Variants in B3GALT5 observed in about 807,000 individuals in gnomAD.
B3GALT5 encodes beta-1,3-galactosyltransferase 5, also known as UDP-Gal:betaGlcNAc beta 1,3-galactosyltransferase, polypeptide 5.
For synonymous variants in B3GALT5, 156 were observed against 158.6 expected, an observed-to-expected ratio of 0.98 and a Z score of 0.12; for missense variants, 328 against 396.6, an observed-to-expected ratio of 0.83 and a Z score of 1.47.
chr21:39,657,117 A>G (rs1326669751), intron 2 of B3GALT5, among the ~76,000 whole-genome samples: 1 of 152,244 alleles, frequency 6.6e-6, no homozygotes, highest in Non-Finnish European at 1.5e-5. Context: ...CTCTCCTGGC[A>G]TCTATATTGC....
intron 2 of B3GALT5, among the ~76,000 whole-genome samples, chr21:39,655,896 T>C (rs2239386): frequency 0.36 from 54,622 of 151,800 alleles, 10,291 homozygotes; most frequent in South Asian, 0.5. Flanking sequence ...TTCCACCTTC[T>C]CCAGGGGAAG....
chr21:39,654,248 C>A (rs1022018188), intron 2 of B3GALT5, among the ~76,000 whole-genome samples: 2 of 152,172 alleles, frequency 1.3e-5, no homozygotes, highest in African/African-American at 4.8e-5. Context: ...TGCCACCACT[C>A]CTGGCTAATT....
rs1249539626 is a variant in B3GALT5 at position 39,669,767 on chromosome 21, C to T, written c.*8275C>T. The stretch of plus-strand genomic sequence containing the variant: ...GGCTCAGACGTGGTGGAGACACAGG[C>T]CCTCGGCCTCCAAATGCTGCCTCCC... On this transcript the variant is annotated 3_prime_UTR_variant, in exon 4 of 4. Transcript: ENST00000684187. 6.6e-6 allele frequency: 1 copy of T among 152,070 alleles called. No individual in the cohort carries two copies. The highest frequency in any genetic ancestry group is 1.5e-5 in the Non-Finnish European group (1 of 68,018). The allele number at this position is 152,070 out of a possible 1,614,324, so 9.4% of individuals were successfully genotyped here. A position where few individuals can be genotyped will look rare whatever the true frequency, so the allele number is the denominator to read the frequency against.
At chr21:39,615,857 C>T (rs144305352) in intron 1 of B3GALT5, among the ~76,000 whole-genome samples, 37 of 152,230 alleles carry the variant, frequency 2.4e-4, no homozygotes, top group African/African-American at 8.4e-4. Context: ...TTGTTGTGTG[C>T]CAAGCACTTT....
chr21:39,662,418 C>A lies in B3GALT5; in HGVS notation c.*926C>A, dbSNP rs1014842015. 6.0e-6 allele frequency: 1 copy of A among 167,110 alleles called. No individual in the cohort carries two copies. The highest frequency in any genetic ancestry group is 1.5e-5 in the Non-Finnish European group (1 of 68,132). 10.4% of individuals were successfully genotyped at this position (167,110 alleles called of 1,614,324 possible). A position where few individuals can be genotyped will look rare whatever the true frequency, so the allele number is the denominator to read the frequency against. On this transcript the variant is annotated 3_prime_UTR_variant, in exon 4 of 4. Coordinates refer to ENST00000684187, the MANE Select transcript of B3GALT5 (RefSeq NM_001356336.2). ...AGGGCTCTCAGTTCAAACTGAAGGA[C>A]AGTTGAACTCAGATGGGGTTCATGT...
intron 1 of B3GALT5, among the ~76,000 whole-genome samples, chr21:39,627,560 T>TC (rs72249125): frequency 0.044 from 6,753 of 151,764 alleles, 190 homozygotes; most frequent in East Asian, 0.083. Flanking sequence ...CACCTCCATT[T>TC]CCCCCCAACC....
rs538282060 is a variant in B3GALT5, at chr21:39,640,162, C to T, written c.-391-6230C>T. ...GGTAAATAACTCGCCTGAGCTCTCA[C>T]TCTTAGTGACAGGCAGAAACAGCCT... is the stretch of plus-strand genomic sequence containing the variant. On this transcript the variant is annotated intron_variant, in intron 1 of 3. Transcript: ENST00000684187. Among the ~76,000 whole-genome samples the T allele has an allele frequency of 3.7e-3, 565 of 152,242 alleles. 1 individual carries two copies. The highest frequency in any genetic ancestry group is 5.9e-3 in the Non-Finnish European group (402 of 68,012).
intron 1 of B3GALT5, among the ~76,000 whole-genome samples, chr21:39,631,611 C>T (rs1374137686): frequency 2.0e-5 from 3 of 152,162 alleles, no homozygotes; most frequent in Non-Finnish European, 4.4e-5. Flanking sequence ...TATTAACTCA[C>T]TTTAGGAAGC....
chr21:39,614,897 A>C (rs2079099641), intron 1 of B3GALT5, among the ~76,000 whole-genome samples: 1 of 152,162 alleles, frequency 6.6e-6, no homozygotes, highest in Non-Finnish European at 1.5e-5. Context: ...GGTTACAGTG[A>C]CTTTGAAAAG....
chr21:39,641,575 G>A (rs1165217807), intron 1 of B3GALT5, among the ~76,000 whole-genome samples: 1 of 152,104 alleles, frequency 6.6e-6, no homozygotes, highest in Non-Finnish European at 1.5e-5. Flanking sequence ...TTCTGGAATA[G>A]CTCATTCCAC....
Position 39,661,020 on chromosome 21 carries a change from A to C in B3GALT5, c.461A>C (p.Lys154Thr). 1 of 1,613,898 alleles carries C rather than the reference A, an allele frequency of 6.2e-7. No homozygotes were observed. The highest frequency in any genetic ancestry group is 8.5e-7 in the Non-Finnish European group (1 of 1,179,792). The change falls in exon 4 of 4, where the codon AAA becomes ACA. Residue 154 changes from lysine (K) to threonine (T), a missense_variant. Lys to Thr is a moderately conservative substitution (Grantham distance 78). Coordinates refer to ENST00000684187, the MANE Select transcript of B3GALT5 (RefSeq NM_001356336.2). This position sits in a 1 kb window ranked among gnomAD's most constrained non-coding sequence, Gnocchi z 4.7. Reference protein sequence around the residue: ...RFCPQAAFVMKTDSDMFINVD... With the variant: ...RFCPQAAFVMTTDSDMFINVD... Reference sequence around the variant, plus strand: ...TGTCCTCAGGCGGCGTTTGTGATGAAAACAGACTCAGACATGTTCATCAAT... The same window carrying C: ...TGTCCTCAGGCGGCGTTTGTGATGACAACAGACTCAGACATGTTCATCAAT...
chr21:39,634,689 T>G (rs1264478558), intron 1 of B3GALT5, among the ~76,000 whole-genome samples: 2 of 152,130 alleles, frequency 1.3e-5, no homozygotes, highest in Non-Finnish European at 2.9e-5. Context: ...AGTGCCTGGT[T>G]CTCTGATCCT....
chr21:39,615,469 T>C (rs2123679265), intron 1 of B3GALT5, among the ~76,000 whole-genome samples: 1 of 152,350 alleles, frequency 6.6e-6, no homozygotes, highest in East Asian at 1.9e-4. Flanking sequence ...ATATCTAATT[T>C]TGAACATCAT....
chr21:39,619,853 G>A (rs1437864887), intron 1 of B3GALT5, among the ~76,000 whole-genome samples: 1 of 152,038 alleles, frequency 6.6e-6, no homozygotes, highest in Non-Finnish European at 1.5e-5. Flanking sequence ...TGTCACCCAG[G>A]CTGGAGTGCA....
chr21:39,630,051 G>A lies in B3GALT5; in HGVS notation c.-391-16341G>A, dbSNP rs569784336. On this transcript the variant is annotated intron_variant, in intron 1 of 3. Transcript: ENST00000684187. The stretch of plus-strand genomic sequence containing the variant: ...TCTCAATAAAATTTTTAGAGTAAAT[G>A]ACTAGTTTTGGTTTTTGTGGGAAAA... 3.3e-5 allele frequency among the ~76,000 whole-genome samples: 5 copies of A among 152,232 alleles called. No homozygotes were observed. In the South Asian group the frequency reaches 1.0e-3, roughly 32 times the overall value.
chr21:39,672,051 C>T lies in B3GALT5; in HGVS notation c.*10559C>T, dbSNP rs894647918. ...TCACTTTTAAATATGAGCAGAAAAA[C>T]GAACTCCATAGCCAAATGCAACATT... On this transcript the variant is annotated 3_prime_UTR_variant, in exon 4 of 4. Coordinates refer to ENST00000684187, the MANE Select transcript of B3GALT5 (RefSeq NM_001356336.2). The T allele has an allele frequency of 5.3e-5, 8 of 152,232 alleles. No homozygotes were observed. Among genetic ancestry groups the T allele is most frequent in the Admixed American group, 3.3e-4 (5 of 15,286 alleles). The allele number at this position is 152,232 out of a possible 1,614,324, so 9.4% of individuals were successfully genotyped here.
chr21:39,648,120 C>T (rs1433921630), intron 2 of B3GALT5, among the ~76,000 whole-genome samples: 1 of 152,114 alleles, frequency 6.6e-6, no homozygotes, highest in Non-Finnish European at 1.5e-5. Context: ...TGTAGATTGG[C>T]CTTCCTGAAT....
At position 39,646,529 on chromosome 21, in the gene B3GALT5, A is replaced by C. The variant is rs897514812; in HGVS notation, c.-254A>C. On this transcript the variant is annotated 5_prime_UTR_variant, in exon 2 of 4. Transcript: ENST00000684187. ...CTCATTTGTTCATTCGAAAGTCTCC[A>C]CTGGGCTTCTGAGTGCCACATCCTG... 1.1e-4 allele frequency: 16 copies of C among 152,200 alleles called. 1 individual carries two copies. Among genetic ancestry groups the C allele is most frequent in the Admixed American group, 1.0e-3 (16 of 15,272 alleles). The allele number at this position is 152,200 out of a possible 1,614,324, so 9.4% of individuals were successfully genotyped here.
chr21:39,641,423 A>C (rs1381111084), intron 1 of B3GALT5, among the ~76,000 whole-genome samples: 2 of 117,650 alleles, frequency 1.7e-5, no homozygotes, highest in African/African-American at 5.7e-5. Context: ...TTCTTACTCT[A>C]ACTTTGTTTA....
Sources: allele counts gnomAD v4.1 joint callset (sites outside exome capture counted in the v4.1 genomes callset), GRCh38; gene constraint gnomAD v4.1.1; non-coding constraint Gnocchi (gnomAD v3.1); transcripts MANE v1.5; gene names NCBI Gene and HGNC (gene_info 2026-07-23, HGNC 2026-07-21).